The following CFAP97D2 variants were observed in gnomAD, a reference collection of about 807,000 sequenced individuals.
The protein encoded by CFAP97D2 is CFAP97 domain containing 2.
chr13:114,198,744 GCTGAGGGGTGACGGCGCGTCCCCGTGCT>G (rs2080900628), intron 2 of CFAP97D2, among the ~76,000 whole-genome samples: 1 of 71,842 alleles, frequency 1.4e-5, no homozygotes, highest in Non-Finnish European at 2.4e-5. Flanking sequence ...TACAGTCCCC[GCTGAGGGGTGACGGCGCGTCCCCGTGCT>G]TACGGTCCCT....
rs1317943278 is a variant in CFAP97D2, at chr13:114,186,919, C to T, written c.90+7499C>T. Among the ~76,000 whole-genome samples the T allele has an allele frequency of 1.3e-5, 2 of 152,208 alleles. No homozygotes were observed. Among genetic ancestry groups the T allele is most frequent in the Non-Finnish European group, 2.9e-5 (2 of 68,032 alleles). ...ATGAGCTGAGCACAGCCTGCCAGTC[C>T]AAGTGGGCCCAGTGGGCCCGAGCAA... On this transcript the variant is annotated intron_variant, in intron 1 of 4. Coordinates refer to ENST00000646158, the Ensembl canonical transcript of CFAP97D2. This position sits in a 1 kb window ranked among gnomAD's most constrained non-coding sequence, Gnocchi z 4.3.
chr13:114,186,340 T>G lies in CFAP97D2; in HGVS notation c.90+6920T>G, dbSNP rs1346174224. On this transcript the variant is annotated intron_variant, in intron 1 of 4. Transcript: ENST00000646158. The surrounding 1 kb of genome is among the most constrained non-coding windows in gnomAD (Gnocchi z 4.3). ...GGATACCGTGGCTATGGAGAGGAGC[T>G]GCCCACTGTGGGTCTCCTCTGAGCT... 6.6e-6 allele frequency among the ~76,000 whole-genome samples: 1 copy of G among 152,220 alleles called. No individual in the cohort carries two copies. The highest frequency in any genetic ancestry group is 6.5e-5 in the Admixed American group (1 of 15,290).
In CFAP97D2 at chr13:114,186,229, G is replaced by T. The variant is rs117483063; in HGVS notation, c.90+6809G>T. ...ACAGAGGGGAGCTGCACACCCCAAG[G>T]TCTCCTCTCTGCTGAGAGCTGAGAC... On this transcript the variant is annotated intron_variant, in intron 1 of 4. Coordinates refer to ENST00000646158, the Ensembl canonical transcript of CFAP97D2. The surrounding 1 kb of genome is among the most constrained non-coding windows in gnomAD (Gnocchi z 4.3). 7.5e-3 allele frequency among the ~76,000 whole-genome samples: 1,146 copies of T among 152,128 alleles called. 11 individuals are homozygous for T. Among genetic ancestry groups the T allele is most frequent in the Middle Eastern group, 0.014 (4 of 292 alleles).
intron 1 of CFAP97D2, among the ~76,000 whole-genome samples, chr13:114,184,639 C>T (rs545772975): frequency 2.6e-5 from 4 of 152,200 alleles, no homozygotes; most frequent in Non-Finnish European, 5.9e-5. Context: ...GAGAAATTAT[C>T]TGTCACAAGT....
chr13:114,218,722 A>G (rs1256747695), intron 4 of CFAP97D2, among the ~76,000 whole-genome samples: 1 of 152,198 alleles, frequency 6.6e-6, no homozygotes, highest in African/African-American at 2.4e-5. Flanking sequence ...AAACAATAAT[A>G]CACATCTACA....
intron 1 of CFAP97D2, among the ~76,000 whole-genome samples, chr13:114,188,468 T>C (rs1382040241): frequency 6.6e-6 from 1 of 151,956 alleles, no homozygotes; most frequent in African/African-American, 2.4e-5. Context: ...ATAATCTAAG[T>C]TTTTGCTTTA....
At chr13:114,199,395 G>C (rs1294722927) in intron 2 of CFAP97D2, among the ~76,000 whole-genome samples, 2 of 61,976 alleles carry the variant, frequency 3.2e-5, no homozygotes, top group Non-Finnish European at 3.0e-5. Context: ...CGTCCCCGTG[G>C]GTACGGTCCC....
At position 114,186,440 on chromosome 13, in the gene CFAP97D2, G is replaced by C. The variant is rs754123544; in HGVS notation, c.90+7020G>C. On this transcript the variant is annotated intron_variant, in intron 1 of 4. Transcript: ENST00000646158. The surrounding 1 kb of genome is among the most constrained non-coding windows in gnomAD (Gnocchi z 4.3). The stretch of plus-strand genomic sequence containing the variant: ...TCTGCGTACCTCATTCTTCCTGGAT[G>C]CAGGACAAGAACTTGGGACCCATCA... Among the ~76,000 whole-genome samples the C allele has an allele frequency of 1.3e-5, 2 of 152,204 alleles. No individual in the cohort carries two copies. Among genetic ancestry groups the C allele is most frequent in the Non-Finnish European group, 1.5e-5 (1 of 68,036 alleles).
intron 3 of CFAP97D2, among the ~76,000 whole-genome samples, chr13:114,204,135 C>T (rs1024813478): frequency 3.3e-5 from 5 of 152,068 alleles, no homozygotes; most frequent in African/African-American, 7.2e-5. Context: ...AAATACATTT[C>T]GAGGAGGCAG....
At chr13:114,200,291 C>T in intron 2 of CFAP97D2, 34 bp from the exon 3 acceptor site, 1 of 397,596 alleles carries the variant, frequency 2.5e-6, no homozygotes, top group Non-Finnish European at 4.4e-6. Flanking sequence ...TCGCAATCTG[C>T]CGGCGCTCCT....
downstream of CFAP97D2, chr13:114,222,759 G>A (rs534821261): frequency 2.1e-5 from 8 of 382,680 alleles, no homozygotes; most frequent in Non-Finnish European, 3.7e-5. The surrounding 1 kb of genome is among the most constrained non-coding windows in gnomAD (Gnocchi z 4.4). Context: ...TATCACAGCC[G>A]GAGCAGCTGT....
chr13:114,214,439 C>T (rs74716878), intron 4 of CFAP97D2, among the ~76,000 whole-genome samples: 9,935 of 152,264 alleles, frequency 0.065, 554 homozygotes, highest in African/African-American at 0.13. Context: ...TATTTGCTTT[C>T]TGTAAACCAT....
At chr13:114,220,872 G>A (rs187381614) in intron 4 of CFAP97D2, among the ~76,000 whole-genome samples, 140 of 152,336 alleles carry the variant, frequency 9.2e-4, no homozygotes, top group African/African-American at 3.2e-3. Context: ...CCCCATTCTC[G>A]CTTCTAAAGA....
chr13:114,188,115 C>CAA, intron 1 of CFAP97D2, among the ~76,000 whole-genome samples: 1 of 136,672 alleles, frequency 7.3e-6, no homozygotes, highest in African/African-American at 2.7e-5. Context: ...ACCATCTCCA[C>CAA]AAAAAAAAAA....
chr13:114,212,089 G>A (rs897309028), exon 4 of CFAP97D2: 2 of 398,586 alleles, frequency 5.0e-6, no homozygotes, highest in Non-Finnish European at 8.8e-6. Flanking sequence ...CAGCAGATAC[G>A]CCTAGCAAAA....
At position 114,182,263 on chromosome 13, in the gene CFAP97D2, C is replaced by T. The variant is rs1407109120; in HGVS notation, c.90+2843C>T. Among the ~76,000 whole-genome samples the T allele has an allele frequency of 4.6e-5, 7 of 151,936 alleles. 1 individual carries two copies. The highest frequency in any genetic ancestry group is 1.0e-4 in the Non-Finnish European group (7 of 67,990). The stretch of plus-strand genomic sequence containing the variant: ...GGCCAGATTTATGTTTCTCTCCGCC[C>T]AAACATCTCAGTGGAGTAAAGAATA... On this transcript the variant is annotated intron_variant, in intron 1 of 4. Coordinates refer to ENST00000646158, the Ensembl canonical transcript of CFAP97D2.
intron 3 of CFAP97D2, among the ~76,000 whole-genome samples, chr13:114,205,581 T>C (rs1341280787): frequency 6.6e-6 from 1 of 152,232 alleles, no homozygotes; most frequent in Non-Finnish European, 1.5e-5. Flanking sequence ...CTCTAAATTC[T>C]GTTGCAAGTG....
chr13:114,182,342 C>G (rs536838876), intron 1 of CFAP97D2, among the ~76,000 whole-genome samples: 163 of 152,254 alleles, frequency 1.1e-3, no homozygotes, highest in East Asian at 6.2e-3. Context: ...GGCTGTTTTT[C>G]TCCTATCTCA....
chr13:114,215,347 C>G (rs2080988785), intron 4 of CFAP97D2, among the ~76,000 whole-genome samples: 1 of 152,084 alleles, frequency 6.6e-6, no homozygotes, highest in Non-Finnish European at 1.5e-5. Flanking sequence ...TTTCTATTAT[C>G]AATGTCATAA....
Sources: gnomAD v4.1 joint callset for allele counts (sites outside exome capture counted in the v4.1 genomes callset) on GRCh38, gnomAD v4.1.1 for gene constraint, Gnocchi (gnomAD v3.1) non-coding constraint, MANE v1.5 for transcripts, NCBI Gene and HGNC (gene_info 2026-07-23, HGNC 2026-07-21) for gene names.